The following MAP4K1 variants were observed in gnomAD, a reference collection of about 807,000 sequenced individuals.
MAP4K1 encodes the protein MAPK/ERK kinase kinase kinase 1.
MAP4K1 carries 35 observed loss-of-function variants against 122.8 expected under a neutral mutation model. That is an observed-to-expected ratio of 0.29 (90% CI 0.22 to 0.38). The LOEUF is 0.38. MAP4K1 is among the 10% of genes least tolerant of loss of function. The probability of loss-of-function intolerance (pLI) is 1.00; values close to 1 mark genes in which losing one functional copy is unlikely to be tolerated. For missense variants in MAP4K1, 791 were observed against 1,072.6 expected (o/e 0.74, Z 3.67); for synonymous variants, 412 against 421.3 (o/e 0.98, Z 0.27).
intron 25 of MAP4K1, among the ~76,000 whole-genome samples, chr19:38,596,789 A>G (rs1004045011): frequency 2.6e-5 from 4 of 152,326 alleles, no homozygotes; most frequent in Admixed American, 2.6e-4. Context: ...TAGGACACCC[A>G]GGGAGTGGCA....
At position 38,617,725 on chromosome 19, in the gene MAP4K1, C is replaced by T; in HGVS notation, c.99+72G>A. On this transcript the variant is annotated intron_variant, in intron 1 of 30. Coordinates refer to ENST00000396857, the MANE Select transcript of MAP4K1 (RefSeq NM_001042600.3). The surrounding 1 kb of genome is among the most constrained non-coding windows in gnomAD (Gnocchi z 4.1). ...CAAGAACTGGGACCCCCTCTTGCAGCCTCCTCCCTGCCGAGGGCTTGCCTT... is the reference window on the plus strand; with the variant it reads ...CAAGAACTGGGACCCCCTCTTGCAGTCTCCTCCCTGCCGAGGGCTTGCCTT... 1 of 1,602,568 alleles carries T rather than the reference C, an allele frequency of 6.2e-7. No individual in the cohort carries two copies. The highest frequency in any genetic ancestry group is 8.6e-7 in the Non-Finnish European group (1 of 1,169,580).
chr19:38,603,632 C>T (rs1160044096), intron 19 of MAP4K1, among the ~76,000 whole-genome samples: 1 of 151,928 alleles, frequency 6.6e-6, no homozygotes, highest in African/African-American at 2.4e-5. Context: ...CCCAGGAGTT[C>T]AGGACCAGCT....
intron 4 of MAP4K1, among the ~76,000 whole-genome samples, chr19:38,615,277 G>T (rs570601491): frequency 2.0e-5 from 3 of 152,016 alleles, no homozygotes; most frequent in African/African-American, 7.2e-5. Context: ...TGGCCAGCAT[G>T]GGGTGGACCC....
Position 38,587,658 on chromosome 19 carries a change from G to A in MAP4K1, c.*90C>T. On this transcript the variant is annotated 3_prime_UTR_variant, in exon 31 of 31. Transcript: ENST00000396857. ...AGATGACAGCAGAGGCTAAAGTCAT[G>A]TTTATTGGGAGATGAGGACATGCCA... 9.2e-7 allele frequency: 1 copy of A among 1,088,388 alleles called. No homozygotes were observed. The highest frequency in any genetic ancestry group is 1.3e-5 in the South Asian group (1 of 78,410). The allele number at this position is 1,088,388 out of a possible 1,614,324, so 67.4% of individuals were successfully genotyped here.
intron 27 of MAP4K1, 57 bp from the exon 28 acceptor site, chr19:38,595,786 G>C: frequency 6.7e-7 from 1 of 1,502,622 alleles, no homozygotes; most frequent in East Asian, 2.3e-5. Flanking sequence ...GGTTACTAAG[G>C]GACCAATCCA....
rs1007592859 is a variant in MAP4K1, at chr19:38,600,140, G to T, written c.1545C>A (p.Leu515=). The T allele has an allele frequency of 3.1e-6, 5 of 1,614,110 alleles. No individual in the cohort carries two copies. The Admixed American group carries it at 8.3e-5, about 27-fold the overall frequency. The part of the protein sequence containing the change: ...THPSTKDQHL[L]LGAEEGIFIL... ...TGAAGATGCCTTCCTCTGCCCCCAGGAGCAGGTGCTGGTCTGGAGGCACAG... is the reference window on the plus strand; with the variant it reads ...TGAAGATGCCTTCCTCTGCCCCCAGTAGCAGGTGCTGGTCTGGAGGCACAG... Residue 515 remains leucine, a synonymous_variant, in exon 21 of 31, where the codon CTC becomes CTA. Coordinates refer to ENST00000396857, the MANE Select transcript of MAP4K1 (RefSeq NM_001042600.3).
intron 30 of MAP4K1, chr19:38,589,283 A>G: frequency 7.6e-6 from 2 of 262,296 alleles, no homozygotes; most frequent in Non-Finnish European, 1.6e-5. Flanking sequence ...AGCCTGGGGG[A>G]CAGAGTGAGA....
At chr19:38,595,816 A>C (rs1305264084) in intron 27 of MAP4K1, 87 bp from the exon 28 acceptor site, 4 of 1,491,100 alleles carry the variant, frequency 2.7e-6, no homozygotes, top group Non-Finnish European at 3.7e-6. Flanking sequence ...TGTGAAAGCT[A>C]TGTAGGACAG....
intron 13 of MAP4K1, among the ~76,000 whole-genome samples, chr19:38,609,210 C>T (rs1975423250): frequency 6.6e-6 from 1 of 152,160 alleles, no homozygotes; most frequent in African/African-American, 2.4e-5. Flanking sequence ...TCTTGGTTCA[C>T]TGCAACCTCC....
chr19:38,593,970 T>A (rs193241588), intron 29 of MAP4K1, among the ~76,000 whole-genome samples: 35 of 152,278 alleles, frequency 2.3e-4, no homozygotes, highest in Non-Finnish European at 4.6e-4. Context: ...TTCTGTGAGA[T>A]AAACACCATT....
chr19:38,595,353 T>C, intron 29 of MAP4K1, 132 bp downstream of exon 29: 1 of 671,928 alleles, frequency 1.5e-6, no homozygotes, highest in Non-Finnish European at 2.5e-6. Context: ...GGGATCTATC[T>C]GAACTGAAAT....
In MAP4K1 at chr19:38,595,644, G is replaced by A. The variant is rs761112597; in HGVS notation, c.2265C>T (p.Ala755=). The A allele has an allele frequency of 1.7e-5, 27 of 1,613,598 alleles. No individual in the cohort carries two copies. The Admixed American group carries it at 2.2e-4, about 13-fold the overall frequency. ...CTCTCCCGTCCCTGCACAGACCCAC[G>A]GCCTCCACCGCTTCGGTCATGGGGA... is the stretch of plus-strand genomic sequence containing the variant. ...PEIPMTEAVE[A]VAMVGGQLQA... The change falls in exon 28 of 31, where the codon GCC becomes GCT. Residue 755 remains alanine, a synonymous_variant. Coordinates refer to ENST00000396857, the MANE Select transcript of MAP4K1 (RefSeq NM_001042600.3).
intron 4 of MAP4K1, 47 bp downstream of exon 4, chr19:38,616,148 G>C: frequency 6.8e-7 from 1 of 1,472,260 alleles, no homozygotes. Flanking sequence ...GGGGTTGGGG[G>C]GTGGGGATAG....
At chr19:38,596,069 G>A (rs1371680139) in intron 26 of MAP4K1, 68 bp from the exon 27 acceptor site, 3 of 1,494,248 alleles carry the variant, frequency 2.0e-6, no homozygotes, top group Non-Finnish European at 2.8e-6. Context: ...ACCCCCAGAA[G>A]GCCAGTACCT....
At position 38,595,682 on chromosome 19, in the gene MAP4K1, G is replaced by A. The variant is rs959103246; in HGVS notation, c.2227C>T (p.Arg743Cys). 4 of 1,613,000 alleles carry A rather than the reference G, an allele frequency of 2.5e-6. No individual in the cohort carries two copies. The highest frequency in any genetic ancestry group is 1.1e-5 in the South Asian group (1 of 90,982). ...TCGGTCATGGGGATCTCAGGTGTGCGAAGTCCCCGGACTGGGGACCCCTCC... is the reference window on the plus strand; with the variant it reads ...TCGGTCATGGGGATCTCAGGTGTGCAAAGTCCCCGGACTGGGGACCCCTCC... ...TPEGSPVRGLRTPEIPMTEAV... is the reference protein window; with the variant it reads ...TPEGSPVRGLCTPEIPMTEAV... Residue 743 changes from arginine (R) to cysteine (C), a missense_variant, in exon 28 of 31, where the codon CGC becomes TGC. By Grantham distance (180) the Arg-to-Cys change is radical. Transcript: ENST00000396857.
At position 38,611,265 on chromosome 19, in the gene MAP4K1, G is replaced by C. The variant is rs766268688; in HGVS notation, c.706C>G (p.Arg236Gly). 1 of 1,613,548 alleles carries C rather than the reference G, an allele frequency of 6.2e-7. No homozygotes were observed. The highest frequency in any genetic ancestry group is 8.5e-7 in the Non-Finnish European group (1 of 1,179,596). ...TACCATTTGCCTTTTTCCTTCAGTC[G>C]GGGAGGCTGGTAGCCACTCTTGGTC... ...LMTKSGYQPP[R>G]LKEKGKWSAA... Residue 236 changes from arginine (R) to glycine (G), a missense_variant, in exon 10 of 31, where the codon CGA becomes GGA. Around this residue, in one of 4 missense-constraint regions of MAP4K1, gnomAD observed 303 missense variants for 344.8 expected, o/e 0.88. Coordinates refer to ENST00000396857, the MANE Select transcript of MAP4K1 (RefSeq NM_001042600.3).
At chr19:38,602,586 A>C (rs1423951185) in intron 19 of MAP4K1, among the ~76,000 whole-genome samples, 1 of 147,286 alleles carries the variant, frequency 6.8e-6, no homozygotes, top group South Asian at 2.1e-4. Flanking sequence ...ATATATACAC[A>C]TGTACATATA....
chr19:38,600,837 G>T (rs1424465191), intron 20 of MAP4K1, among the ~76,000 whole-genome samples: 2 of 109,888 alleles, frequency 1.8e-5, no homozygotes, highest in African/African-American at 3.6e-5. Context: ...ACTGAGTCTT[G>T]CTCTGTTGCC....
chr19:38,602,317 C>T (rs1440887717), intron 19 of MAP4K1, among the ~76,000 whole-genome samples: 1 of 151,974 alleles, frequency 6.6e-6, no homozygotes. Flanking sequence ...TCAGGTGATG[C>T]GTCTGCCTTG....
Sources: gnomAD v4.1 joint callset for allele counts (sites outside exome capture counted in the v4.1 genomes callset) on GRCh38, gnomAD v4.1.1 for gene constraint, gnomAD v4.1.1 regional missense constraint, Gnocchi (gnomAD v3.1) non-coding constraint, MANE v1.5 for transcripts, NCBI Gene and HGNC (gene_info 2026-07-23, HGNC 2026-07-21) for gene names.